IFT80: variants seen among roughly 807,000 people sequenced by gnomAD.
IFT80 encodes intraflagellar transport 80, also known as intraflagellar transport protein 80 homolog.
A neutral mutation model predicts 107.9 loss-of-function variants in IFT80; 79 were observed. The ratio of observed to expected loss-of-function variants is 0.73; its 90% CI spans 0.61 to 0.88. The LOEUF (loss-of-function observed/expected upper bound fraction) is 0.88. Ranked by LOEUF, IFT80 falls within the 40% of genes least tolerant of loss-of-function variation. The pLI is 0.00. For missense variants in IFT80, 797 were observed against 914.2 expected (o/e 0.87, Z 1.65); for synonymous variants, 299 against 300.9 (o/e 0.99, Z 0.07).
intron 3 of IFT80, among the ~76,000 whole-genome samples, chr3:160,380,462 G>A (rs1712388978): frequency 1.3e-5 from 2 of 152,152 alleles, no homozygotes; most frequent in Admixed American, 1.3e-4. Context: ...TCACCATCAT[G>A]TTCACCATGT....
chr3:160,311,245 T>C (rs2108282487), intron 9 of IFT80, among the ~76,000 whole-genome samples: 1 of 152,286 alleles, frequency 6.6e-6, no homozygotes, highest in South Asian at 2.1e-4. Flanking sequence ...CTTTAACAAA[T>C]AAATTGTAAG....
At chr3:160,324,205 G>A (rs2108305787) in intron 8 of IFT80, among the ~76,000 whole-genome samples, 1 of 152,260 alleles carries the variant, frequency 6.6e-6, no homozygotes, top group East Asian at 1.9e-4. Flanking sequence ...GAGGTACAAG[G>A]AGGAACTGGT....
In IFT80 at chr3:160,381,253, T is replaced by TA. The variant is rs547833752; in HGVS notation, c.259+249dup. Among the ~76,000 whole-genome samples, 140 of 136,612 alleles carry TA rather than the reference T, an allele frequency of 1.0e-3. 6 individuals carry two copies. In the South Asian group the frequency reaches 0.031, roughly 30 times the overall value. 89.6% of individuals were successfully genotyped at this position (136,612 alleles called of 152,430 possible). A position where few individuals can be genotyped will look rare whatever the true frequency, so the allele number is the denominator to read the frequency against. On this transcript the variant is annotated intron_variant, in intron 3 of 19. Coordinates refer to ENST00000326448, the MANE Select transcript of IFT80 (RefSeq NM_020800.3). ...CCCCATCTCTAAATATATATATATA[T>TA]ATATATATATATTAAAGCCAAAGAC... is the stretch of plus-strand genomic sequence containing the variant.
chr3:160,303,956 A>G lies in IFT80; in HGVS notation c.1110T>C (p.Asp370=). 1 of 1,611,578 alleles carries G rather than the reference A, an allele frequency of 6.2e-7. No homozygotes were observed. The highest frequency in any genetic ancestry group is 1.7e-4 in the Middle Eastern group (1 of 6,044). The change falls in exon 11 of 20, where the codon GAT becomes GAC. Residue 370 remains aspartate, a synonymous_variant. Coordinates refer to ENST00000326448, the MANE Select transcript of IFT80 (RefSeq NM_020800.3). The part of the protein sequence containing the change: ...TKNWNTPIIF[D]LKEGTVSLIL... ...TCAAACTAACAGTTCCTTCTTTGAG[A>G]TCAAATATAATTGGTGTGTTCCAGT... is the stretch of plus-strand genomic sequence containing the variant.
chr3:160,303,566 C>T (rs145444895), intron 11 of IFT80, among the ~76,000 whole-genome samples: 71 of 152,292 alleles, frequency 4.7e-4, no homozygotes, highest in African/African-American at 1.5e-3. Context: ...CTCATTCTCT[C>T]ATGTCATTAC....
At chr3:160,375,010 C>T (rs60395700) in intron 5 of IFT80, among the ~76,000 whole-genome samples, 32,158 of 151,992 alleles carry the variant, frequency 0.21, 3,736 homozygotes, top group Non-Finnish European at 0.26. Flanking sequence ...GAACCTTATC[C>T]TAAAAGTAAA....
At chr3:160,352,408 T>G (rs1464248578) in intron 8 of IFT80, among the ~76,000 whole-genome samples, 1 of 152,228 alleles carries the variant, frequency 6.6e-6, no homozygotes, top group Non-Finnish European at 1.5e-5. Flanking sequence ...TGGTATCACC[T>G]GCGTTATAGT....
intron 1 of IFT80, among the ~76,000 whole-genome samples, chr3:160,392,266 T>A (rs1713440997): frequency 6.6e-6 from 1 of 152,232 alleles, no homozygotes; most frequent in South Asian, 2.1e-4. Flanking sequence ...CTCTTCTGTA[T>A]CTGCACTCAC....
chr3:160,366,066 G>A lies in IFT80; in HGVS notation c.526C>T (p.Gln176Ter). Residue 176 changes from glutamine (Q) to a stop codon, truncating the protein, a stop_gained, in exon 6 of 20, where the codon CAA (glutamine) becomes TAA (stop). Transcript: ENST00000326448. LOFTEE classifies it high-confidence loss of function. ...ACCTGCAAAACTTTAGCATTTGGTT[G>A]AAGAGGTTTAATGATTAGCTGCTTG... ...AGKQLIIKPL[Q>*]PNAKVLQWKA... The A allele has an allele frequency of 1.2e-6, 2 of 1,612,490 alleles. No homozygotes were observed. Among genetic ancestry groups the A allele is most frequent in the Non-Finnish European group, 1.7e-6 (2 of 1,178,946 alleles).
At chr3:160,398,033 A>T (rs909529973) in intron 1 of IFT80, among the ~76,000 whole-genome samples, 10 of 152,240 alleles carry the variant, frequency 6.6e-5, no homozygotes, top group Non-Finnish European at 1.2e-4. Context: ...AAAATTCCAG[A>T]AGCCCTCAAA....
chr3:160,394,169 C>T (rs1188823756), intron 1 of IFT80: 1 of 152,278 alleles, frequency 6.6e-6, no homozygotes. Context: ...CAGGCACGGA[C>T]TCAAAGGCTT....
Position 160,258,601 on chromosome 3 carries a change from AT to A in IFT80, c.2257del (p.Ile753LeufsTer21). ...TCTTTCTTTTGTAATTTCCATCTCA[AT>A]TTTGGCTTTGATTTTCTCCCAATCT... ...QIDWEKIKAKIEMEITKEREQ... is the reference protein window; with the variant it reads ...QIDWEKIKAKXEMEITKEREQ... On this transcript the variant is annotated frameshift_variant, in exon 20 of 20. Transcript: ENST00000326448. LOFTEE classifies it high-confidence loss of function. 6.2e-7 allele frequency: 1 copy of A among 1,613,138 alleles called. No individual in the cohort carries two copies. The highest frequency in any genetic ancestry group is 1.7e-4 in the Middle Eastern group (1 of 6,052).
chr3:160,344,835 T>C (rs1720168081), intron 8 of IFT80, among the ~76,000 whole-genome samples: 1 of 152,096 alleles, frequency 6.6e-6, no homozygotes, highest in Non-Finnish European at 1.5e-5. Flanking sequence ...AACAGGTATA[T>C]GAAAAGGTGC....
At chr3:160,327,962 C>T (rs1044730849) in intron 8 of IFT80, among the ~76,000 whole-genome samples, 2 of 152,024 alleles carry the variant, frequency 1.3e-5, no homozygotes, top group South Asian at 2.1e-4. Context: ...TAATATACAG[C>T]ATCTATTAGG....
At chr3:160,350,955 G>A (rs921544238) in intron 8 of IFT80, among the ~76,000 whole-genome samples, 4 of 152,096 alleles carry the variant, frequency 2.6e-5, no homozygotes, top group African/African-American at 9.7e-5. Context: ...AGAATCTAGG[G>A]AAAGCTAAAT....
At chr3:160,389,558 C>T (rs888210389) in intron 1 of IFT80, among the ~76,000 whole-genome samples, 5 of 144,700 alleles carry the variant, frequency 3.5e-5, no homozygotes, top group African/African-American at 1.3e-4. Context: ...TCAATTCCCA[C>T]CTATGAGTGA....
rs567451220 is a variant in IFT80 at position 160,262,190 on chromosome 3, G to GT, written c.2224-3556dup. Reference sequence around the variant, plus strand: ...ACAGCAGGAGAAATCTCAATGAAAGGTAACTCAAAACAGTGTCTTGGAACT... The same window carrying GT: ...ACAGCAGGAGAAATCTCAATGAAAGGTTAACTCAAAACAGTGTCTTGGAACT... On this transcript the variant is annotated intron_variant, in intron 19 of 19. Transcript: ENST00000326448. Among the ~76,000 whole-genome samples, 671 of 152,212 alleles carry GT rather than the reference G, an allele frequency of 4.4e-3. 2 individuals carry two copies. Among genetic ancestry groups the GT allele is most frequent in the Admixed American group, 6.9e-3 (106 of 15,288 alleles).
At chr3:160,379,377 T>C (rs1235251764) in intron 3 of IFT80, among the ~76,000 whole-genome samples, 2 of 152,212 alleles carry the variant, frequency 1.3e-5, no homozygotes, top group Admixed American at 1.3e-4. Context: ...ATTGTTAAAA[T>C]TTAAATATAA....
chr3:160,357,531 G>T lies in IFT80; in HGVS notation c.597C>A (p.Val199=). The change falls in exon 7 of 20, where the codon GTC becomes GTA. Residue 199 remains valine, a synonymous_variant. Coordinates refer to ENST00000326448, the MANE Select transcript of IFT80 (RefSeq NM_020800.3). ...GIILKVDWNS[V]NDLILSAGED... is the part of the protein sequence containing the mutation. ...CACCAGCAGATAAAATAAGATCATT[G>T]ACCGAGTTCCAATCTACTTTTAAAA... 1.3e-6 allele frequency: 2 copies of T among 1,598,008 alleles called. No homozygotes were observed. Among genetic ancestry groups the T allele is most frequent in the South Asian group, 2.2e-5 (2 of 90,482 alleles).
Sources: gnomAD v4.1 joint callset for allele counts (sites outside exome capture counted in the v4.1 genomes callset) on GRCh38, gnomAD v4.1.1 for gene constraint, MANE v1.5 for transcripts, NCBI Gene and HGNC (gene_info 2026-07-23, HGNC 2026-07-21) for gene names.